NRG3: variants seen among roughly 807,000 people sequenced by gnomAD.
NRG3 encodes neuregulin 3.
Under a neutral mutation model 66.9 loss-of-function variants are expected in NRG3, and 31 were observed. That is an observed-to-expected ratio of 0.46 (90% CI 0.35 to 0.63). The LOEUF is 0.63. Ranked by LOEUF, NRG3 falls within the 20% of genes least tolerant of loss-of-function variation. The pLI is 0.00. For missense variants in NRG3, 910 were observed against 878.9 expected (o/e 1.04, Z -0.45); for synonymous variants, 393 against 359.4 (o/e 1.09, Z -1.06).
chr10:82,726,131 T>C (rs1217999740), intron 2 of NRG3, among the ~76,000 whole-genome samples: 4 of 152,172 alleles, frequency 2.6e-5, no homozygotes, highest in African/African-American at 9.7e-5. Flanking sequence ...TGCACCTGAA[T>C]CTTGGACTCC....
intron 1 of NRG3, among the ~76,000 whole-genome samples, chr10:82,347,709 T>C (rs1341563888): frequency 1.3e-5 from 2 of 152,196 alleles, no homozygotes; most frequent in Non-Finnish European, 2.9e-5. Context: ...TCTAAGTCTC[T>C]TTGTAGGTCA....
intron 7 of NRG3, among the ~76,000 whole-genome samples, chr10:82,978,395 A>G (rs567342156): frequency 6.6e-6 from 1 of 152,352 alleles, no homozygotes; most frequent in South Asian, 2.1e-4. Context: ...AAGAAAAATA[A>G]TTTAGTTTGT....
chr10:82,765,501 G>A (rs1465746006), intron 3 of NRG3, among the ~76,000 whole-genome samples: 1 of 151,968 alleles, frequency 6.6e-6, no homozygotes, highest in African/African-American at 2.4e-5. Context: ...GCAAACTAAA[G>A]GATGCTAATT....
At chr10:81,978,131 G>T (rs1387564651) in intron 1 of NRG3, among the ~76,000 whole-genome samples, 8 of 152,026 alleles carry the variant, frequency 5.3e-5, no homozygotes, top group Admixed American at 2.0e-4. Flanking sequence ...TTCCTCTTAT[G>T]TAGCTGTAAT....
At chr10:82,542,239 C>A (rs747098780) in intron 2 of NRG3, among the ~76,000 whole-genome samples, 2 of 151,966 alleles carry the variant, frequency 1.3e-5, no homozygotes, top group Non-Finnish European at 2.9e-5. Context: ...CATGTCCCTG[C>A]AAAGGAACCA....
At chr10:82,683,457 A>T (rs967087099) in intron 2 of NRG3, among the ~76,000 whole-genome samples, 3 of 152,194 alleles carry the variant, frequency 2.0e-5, no homozygotes, top group African/African-American at 7.2e-5. Context: ...AACACCTAAC[A>T]AACATATAAT....
chr10:81,897,610 G>A (rs2132620960), intron 1 of NRG3, among the ~76,000 whole-genome samples: 1 of 152,072 alleles, frequency 6.6e-6, no homozygotes, highest in South Asian at 2.1e-4. Context: ...TTGGGTGGGG[G>A]GATGGGGCGA....
At chr10:82,568,523 C>T (rs2045549114) in intron 2 of NRG3, among the ~76,000 whole-genome samples, 2 of 151,776 alleles carry the variant, frequency 1.3e-5, no homozygotes, top group South Asian at 2.1e-4. Context: ...CTGAAGGTGG[C>T]CCCCTTTACT....
intron 2 of NRG3, among the ~76,000 whole-genome samples, chr10:82,606,075 A>C (rs1270759764): frequency 6.6e-6 from 1 of 151,978 alleles, no homozygotes; most frequent in Non-Finnish European, 1.5e-5. Flanking sequence ...CTTACTTTAA[A>C]ATTAATATGC....
chr10:82,503,983 T>A (rs75914294), intron 2 of NRG3, among the ~76,000 whole-genome samples: 1 of 152,152 alleles, frequency 6.6e-6, no homozygotes, highest in Non-Finnish European at 1.5e-5. Flanking sequence ...GGAAAAAAAA[T>A]GCCACTCTTA....
At chr10:82,023,743 A>G (rs2062165135) in intron 1 of NRG3, among the ~76,000 whole-genome samples, 1 of 151,944 alleles carries the variant, frequency 6.6e-6, no homozygotes, top group Non-Finnish European at 1.5e-5. Context: ...GTGTTATTGA[A>G]CTTGCATGAT....
intron 2 of NRG3, among the ~76,000 whole-genome samples, chr10:82,407,385 A>G (rs2087604607): frequency 6.6e-6 from 1 of 152,164 alleles, no homozygotes; most frequent in South Asian, 2.1e-4. Context: ...TGGAAGGGCA[A>G]AGTGGTGATA....
chr10:82,806,560 A>C (rs896301533), intron 3 of NRG3, among the ~76,000 whole-genome samples: 1 of 152,228 alleles, frequency 6.6e-6, no homozygotes, highest in Non-Finnish European at 1.5e-5. Context: ...CCTGATGATT[A>C]GTTGAGACTT....
At chr10:82,724,008 T>A (rs879438849) in intron 2 of NRG3, among the ~76,000 whole-genome samples, 34 of 143,956 alleles carry the variant, frequency 2.4e-4, no homozygotes, top group African/African-American at 3.0e-4. Context: ...AAAAAAAATT[T>A]AAAAAATAAA....
At chr10:82,107,199 A>G (rs2067120850) in intron 1 of NRG3, among the ~76,000 whole-genome samples, 1 of 152,240 alleles carries the variant, frequency 6.6e-6, no homozygotes, top group Non-Finnish European at 1.5e-5. Context: ...CTAATCCAAA[A>G]TACTCCAATG....
intron 1 of NRG3, among the ~76,000 whole-genome samples, chr10:81,898,412 G>T (rs1843720829): frequency 6.6e-6 from 1 of 152,200 alleles, no homozygotes; most frequent in Admixed American, 6.5e-5. Flanking sequence ...AAATTCTTCA[G>T]CCTGAGGTGA....
At chr10:82,128,620 TTC>T (rs2068612481) in intron 1 of NRG3, among the ~76,000 whole-genome samples, 1 of 152,076 alleles carries the variant, frequency 6.6e-6, no homozygotes, top group South Asian at 2.1e-4. Flanking sequence ...ACCTTGACAT[TTC>T]TGATACCCAT....
intron 1 of NRG3, among the ~76,000 whole-genome samples, chr10:82,259,986 A>G (rs771221178): frequency 2.0e-5 from 3 of 152,138 alleles, no homozygotes; most frequent in Non-Finnish European, 4.4e-5. Flanking sequence ...ATAAAAATAA[A>G]TAAATGTTAT....
chr10:82,770,476 A>G (rs1397406208), intron 3 of NRG3, among the ~76,000 whole-genome samples: 1 of 152,148 alleles, frequency 6.6e-6, no homozygotes, highest in African/African-American at 2.4e-5. Flanking sequence ...AAAACCGTCA[A>G]CACAAACGGA....
Sources: allele counts gnomAD v4.1 joint callset (sites outside exome capture counted in the v4.1 genomes callset), GRCh38; gene constraint gnomAD v4.1.1; transcripts MANE v1.5; gene names NCBI Gene and HGNC (gene_info 2026-07-23, HGNC 2026-07-21).